PGPEP1L: variants seen among roughly 807,000 people sequenced by gnomAD.
PGPEP1L encodes pyroglutamyl-peptidase 1-like protein.
PGPEP1L carries 7 observed loss-of-function variants against 6.0 expected under a neutral mutation model. That is an observed-to-expected ratio of 1.17 (90% CI 0.66 to 2.19). PGPEP1L has a LOEUF of 2.19. PGPEP1L is among the 30% of genes most tolerant of loss of function. The probability of loss-of-function intolerance (pLI) is 0.00; values close to 1 mark genes in which losing one functional copy is unlikely to be tolerated. For missense variants in PGPEP1L, 209 were observed against 192.5 expected, an observed-to-expected ratio of 1.09 and a Z score of -0.51; for synonymous variants, 103 against 83.9, an observed-to-expected ratio of 1.23 and a Z score of -1.24.
At chr15:98,979,174 A>G (rs1012702991) in intron 2 of PGPEP1L, among the ~76,000 whole-genome samples, 1 of 152,166 alleles carries the variant, frequency 6.6e-6, no homozygotes, top group African/African-American at 2.4e-5. Context: ...TAACCCAGGA[A>G]GGATGTGATG....
At chr15:98,989,422 C>T (rs2017789898) in intron 2 of PGPEP1L, among the ~76,000 whole-genome samples, 1 of 152,002 alleles carries the variant, frequency 6.6e-6, no homozygotes, top group South Asian at 2.1e-4. Context: ...AGTGAGAACA[C>T]ACGATTAGAG....
At position 98,968,386 on chromosome 15, in the gene PGPEP1L, C is replaced by T; in HGVS notation, c.*92G>A. The T allele has an allele frequency of 1.5e-6, 2 of 1,307,338 alleles. No homozygotes were observed. The highest frequency in any genetic ancestry group is 2.1e-6 in the Non-Finnish European group (2 of 937,732). The allele number at this position is 1,307,338 out of a possible 1,614,324, so 81.0% of individuals were successfully genotyped here. On this transcript the variant is annotated 3_prime_UTR_variant, in exon 5 of 5. Transcript: ENST00000535714. Reference sequence around the variant, plus strand: ...AGAGTTTTCCACCCTCTTTGTCTTACAAGCAATTTTTGAAAAAGTTTCTCA... The same window carrying T: ...AGAGTTTTCCACCCTCTTTGTCTTATAAGCAATTTTTGAAAAAGTTTCTCA...
At chr15:98,985,917 C>CCAGGGTAGTTTCTTTT in intron 2 of PGPEP1L, among the ~76,000 whole-genome samples, 1 of 152,358 alleles carries the variant, frequency 6.6e-6, no homozygotes, top group East Asian at 1.9e-4. Flanking sequence ...TACCCTCCCT[C>CCAGGGTAGTTTCTTTT]CAGGGTAGTT....
rs183950698 is a variant in PGPEP1L at position 98,985,278 on chromosome 15, C to G, written c.-141-14120G>C. Among the ~76,000 whole-genome samples, 35 of 152,316 alleles carry G rather than the reference C, an allele frequency of 2.3e-4. 1 individual carries two copies. Among genetic ancestry groups the G allele is most frequent in the Admixed American group, 2.2e-3 (34 of 15,300 alleles). On this transcript the variant is annotated intron_variant, in intron 2 of 4. Transcript: ENST00000535714. ...CACTGGCTGGGCACAGTGGCTCACA[C>G]CTGTAATCCTAGCACTTTGGGAGGC...
At chr15:98,983,158 G>GA (rs555591048) in intron 2 of PGPEP1L, among the ~76,000 whole-genome samples, 6,039 of 75,222 alleles carry the variant, frequency 0.08, 444 homozygotes, top group African/African-American at 0.15. Context: ...GTTCTCTTGG[G>GA]AAAAAAAAAA....
At chr15:98,986,690 T>G (rs1912010) in intron 2 of PGPEP1L, among the ~76,000 whole-genome samples, 108,203 of 152,162 alleles carry the variant, frequency 0.71, 40,934 homozygotes, top group Non-Finnish European at 0.86. Flanking sequence ...GGCTGGCATC[T>G]GAAGTGGGGA....
At chr15:98,974,626 G>C (rs1234206626) in intron 2 of PGPEP1L, among the ~76,000 whole-genome samples, 1 of 152,178 alleles carries the variant, frequency 6.6e-6, no homozygotes, top group East Asian at 1.9e-4. Context: ...GCCGGGCGCG[G>C]TGGCTCATGC....
chr15:99,001,658 G>C (rs2017972168), intron 2 of PGPEP1L, among the ~76,000 whole-genome samples: 1 of 152,080 alleles, frequency 6.6e-6, no homozygotes, highest in Non-Finnish European at 1.5e-5. Context: ...AAGTGAAAAA[G>C]AACCAATCTC....
chr15:98,990,181 A>T (rs2151762435), intron 2 of PGPEP1L, among the ~76,000 whole-genome samples: 1 of 152,322 alleles, frequency 6.6e-6, no homozygotes, highest in South Asian at 2.1e-4. Flanking sequence ...AAATACACAG[A>T]CTGGCAAATT....
At chr15:98,976,407 T>C (rs1335348601) in intron 2 of PGPEP1L, among the ~76,000 whole-genome samples, 2 of 152,204 alleles carry the variant, frequency 1.3e-5, no homozygotes, top group Non-Finnish European at 1.5e-5. Context: ...TAACTAAGCA[T>C]ACTCTTTTCC....
At chr15:98,985,469 C>T (rs1472240143) in intron 2 of PGPEP1L, among the ~76,000 whole-genome samples, 3 of 152,190 alleles carry the variant, frequency 2.0e-5, no homozygotes, top group South Asian at 2.1e-4. Flanking sequence ...ACCCGGGAAG[C>T]GGAAGTTGCA....
chr15:98,997,587 C>T (rs114597764), intron 2 of PGPEP1L, among the ~76,000 whole-genome samples: 227 of 152,280 alleles, frequency 1.5e-3, no homozygotes, highest in African/African-American at 5.0e-3. Flanking sequence ...GGCTTTCTTA[C>T]AAATAAACAT....
intron 2 of PGPEP1L, among the ~76,000 whole-genome samples, chr15:98,980,537 A>T (rs1226278480): frequency 6.6e-6 from 1 of 152,252 alleles, no homozygotes; most frequent in East Asian, 1.9e-4. Flanking sequence ...AACCGATGTA[A>T]CTCCTCTACC....
At chr15:98,987,165 C>CA (rs57923635) in intron 2 of PGPEP1L, among the ~76,000 whole-genome samples, 3,388 of 33,326 alleles carry the variant, frequency 0.1, 665 homozygotes, top group Middle Eastern at 0.12. Context: ...GACTCCATCT[C>CA]AAAAAAAAAA....
chr15:98,993,079 T>C (rs1034841094), intron 2 of PGPEP1L, among the ~76,000 whole-genome samples: 3 of 152,062 alleles, frequency 2.0e-5, no homozygotes, highest in South Asian at 2.1e-4. Flanking sequence ...CCAAAAGCAA[T>C]GGCAACAAAA....
intron 2 of PGPEP1L, among the ~76,000 whole-genome samples, chr15:98,976,192 C>A (rs58060839): frequency 7.2e-5 from 11 of 152,062 alleles, no homozygotes; most frequent in Non-Finnish European, 1.5e-4. Flanking sequence ...CTTACTTGTA[C>A]ACTTTAAAGG....
At chr15:99,002,920 A>T (rs1167301929) in intron 2 of PGPEP1L, among the ~76,000 whole-genome samples, 1 of 152,192 alleles carries the variant, frequency 6.6e-6, no homozygotes, top group African/African-American at 2.4e-5. Flanking sequence ...GTCTCTGAGA[A>T]CCCAGCTCCC....
chr15:98,971,635 C>T (rs1208619608), intron 2 of PGPEP1L, among the ~76,000 whole-genome samples: 2 of 152,152 alleles, frequency 1.3e-5, no homozygotes, highest in Non-Finnish European at 2.9e-5. Context: ...AAATCAATGC[C>T]AGACCTGTCT....
intron 2 of PGPEP1L, among the ~76,000 whole-genome samples, chr15:98,990,527 C>A (rs1227541695): frequency 6.6e-6 from 1 of 152,152 alleles, no homozygotes; most frequent in Non-Finnish European, 1.5e-5. Context: ...GACTTTAACA[C>A]CCCACTGTCA....
Sources: gnomAD v4.1 joint callset for allele counts (sites outside exome capture counted in the v4.1 genomes callset) on GRCh38, gnomAD v4.1.1 for gene constraint, MANE v1.5 for transcripts, NCBI Gene and HGNC (gene_info 2026-07-23, HGNC 2026-07-21) for gene names.